Variants in SLC35F4 observed in about 807,000 individuals in gnomAD.
SLC35F4 encodes chromosome 14 open reading frame 36.
In SLC35F4, 24 loss-of-function variants were observed where a neutral mutation model predicts 44.2. The ratio of observed to expected loss-of-function variants is 0.54; its 90% CI spans 0.39 to 0.76. SLC35F4 has a LOEUF of 0.76. SLC35F4 is among the 30% of genes least tolerant of loss of function. The pLI is 0.00. For synonymous variants in SLC35F4, 238 were observed against 223.6 expected (o/e 1.06, Z -0.57); for missense variants, 562 against 586.1 (o/e 0.96, Z 0.42).
At chr14:57,937,630 GAAAAGAAAAGAAAAGAAAAGAAAAA>G (rs1157710267) in intron 1 of SLC35F4, among the ~76,000 whole-genome samples, 46 of 123,924 alleles carry the variant, frequency 3.7e-4, no homozygotes, top group African/African-American at 1.4e-3. Context: ...GAAAAGAAAA[GAAAAGAAAAGAAAAGAAAAGAAAAA>G]AGAAAAGAAA....
chr14:57,932,817 CAAA>C (rs982776960), intron 1 of SLC35F4, among the ~76,000 whole-genome samples: 3 of 149,024 alleles, frequency 2.0e-5, no homozygotes, highest in African/African-American at 7.4e-5. Flanking sequence ...CCACTGCACT[CAAA>C]AAAAAAATTT....
intron 1 of SLC35F4, among the ~76,000 whole-genome samples, chr14:57,783,325 A>G (rs1443810955): frequency 2.0e-5 from 3 of 152,216 alleles, no homozygotes; most frequent in Admixed American, 6.5e-5. Context: ...CCCAGATGCC[A>G]CTAAGAAAAT....
chr14:57,881,858 G>T (rs766817284), intron 1 of SLC35F4, among the ~76,000 whole-genome samples: 8 of 152,066 alleles, frequency 5.3e-5, no homozygotes, highest in African/African-American at 1.2e-4. Context: ...GTCCCTATAG[G>T]TCCTGTTCAT....
chr14:57,825,582 A>G (rs561240627), intron 1 of SLC35F4, among the ~76,000 whole-genome samples: 1 of 152,144 alleles, frequency 6.6e-6, no homozygotes, highest in East Asian at 1.9e-4. Flanking sequence ...GAAAGTAACT[A>G]CTTTGCAGAT....
intron 1 of SLC35F4, among the ~76,000 whole-genome samples, chr14:57,910,268 CATTGT>C (rs1288034382): frequency 2.6e-5 from 4 of 151,980 alleles, no homozygotes; most frequent in African/African-American, 9.7e-5. Flanking sequence ...ATTCTTTTAA[CATTGT>C]ATTTTGCAGA....
chr14:57,679,908 G>T (rs2074835459), intron 1 of SLC35F4, among the ~76,000 whole-genome samples: 1 of 151,996 alleles, frequency 6.6e-6, no homozygotes, highest in South Asian at 2.1e-4. Context: ...AAAAAGCCCA[G>T]GACCAGACAG....
At chr14:57,666,224 G>A (rs2074303864) in intron 1 of SLC35F4, among the ~76,000 whole-genome samples, 1 of 152,222 alleles carries the variant, frequency 6.6e-6, no homozygotes, top group Non-Finnish European at 1.5e-5. Context: ...CACAGAATCT[G>A]TACGCATGTG....
chr14:57,835,601 C>G (rs1884838195), intron 1 of SLC35F4, among the ~76,000 whole-genome samples: 2 of 152,306 alleles, frequency 1.3e-5, no homozygotes, highest in East Asian at 3.9e-4. Context: ...TATAACATTT[C>G]TGTCATGTAA....
intron 1 of SLC35F4, among the ~76,000 whole-genome samples, chr14:57,714,817 C>T (rs972556360): frequency 1.2e-4 from 18 of 152,184 alleles, no homozygotes; most frequent in African/African-American, 3.9e-4. Flanking sequence ...AGAGGACGAT[C>T]TACACCACAG....
At chr14:57,813,926 T>G (rs751959577) in intron 1 of SLC35F4, among the ~76,000 whole-genome samples, 1 of 152,154 alleles carries the variant, frequency 6.6e-6, no homozygotes, top group Non-Finnish European at 1.5e-5. Context: ...GTCCAATAAA[T>G]CGTTGTGGGG....
chr14:57,844,875 T>C (rs1041988492), intron 1 of SLC35F4, among the ~76,000 whole-genome samples: 3 of 152,112 alleles, frequency 2.0e-5, no homozygotes, highest in Admixed American at 6.6e-5. Flanking sequence ...GGACCTTTGT[T>C]ACTAGTAGAG....
intron 1 of SLC35F4, among the ~76,000 whole-genome samples, chr14:57,689,626 C>A (rs1485443914): frequency 2.0e-5 from 3 of 151,570 alleles, no homozygotes; most frequent in African/African-American, 7.3e-5. Context: ...GCTTTAAAGA[C>A]TATCACAGGG....
chr14:57,850,027 A>G (rs1181792156), intron 1 of SLC35F4, among the ~76,000 whole-genome samples: 1 of 152,228 alleles, frequency 6.6e-6, no homozygotes, highest in African/African-American at 2.4e-5. Context: ...CCCATTTGCC[A>G]TAATTTAGAT....
chr14:57,827,418 T>G lies in SLC35F4; in HGVS notation c.103+38305A>C, dbSNP rs373415621. Among the ~76,000 whole-genome samples the G allele has an allele frequency of 1.3e-4, 20 of 152,212 alleles. 1 individual carries two copies. The South Asian group carries it at 3.9e-3, about 30-fold the overall frequency. On this transcript the variant is annotated intron_variant, in intron 1 of 7. Transcript: ENST00000556826. ...CTGGGCTCAATACCTAGGAGATAAG[T>G]TGACAAGTACAGCAAACCACCATGG...
At chr14:57,791,151 A>G (rs2077907260) in intron 1 of SLC35F4, among the ~76,000 whole-genome samples, 1 of 152,216 alleles carries the variant, frequency 6.6e-6, no homozygotes, top group African/African-American at 2.4e-5. Context: ...AATTAAACTA[A>G]AGAGCTTTTG....
chr14:57,665,753 C>G (rs1171196642), intron 1 of SLC35F4, among the ~76,000 whole-genome samples: 1 of 152,140 alleles, frequency 6.6e-6, no homozygotes, highest in African/African-American at 2.4e-5. Flanking sequence ...GATAGACTGG[C>G]TAAAGAACAT....
chr14:57,865,037 C>G (rs1888004140), intron 1 of SLC35F4, among the ~76,000 whole-genome samples: 1 of 150,378 alleles, frequency 6.6e-6, no homozygotes, highest in Admixed American at 6.6e-5. Context: ...GGCGGGTGGC[C>G]CTGTCGCCTC....
chr14:57,566,800 AT>A (rs1251072515), intron 6 of SLC35F4, among the ~76,000 whole-genome samples: 1 of 152,210 alleles, frequency 6.6e-6, no homozygotes, highest in Non-Finnish European at 1.5e-5. Flanking sequence ...CAAAAGGTAT[AT>A]GGACAAATAC....
upstream of SLC35F4, among the ~76,000 whole-genome samples, chr14:57,867,599 T>TAC (rs1595256333): frequency 1.9e-5 from 2 of 105,476 alleles, no homozygotes; most frequent in East Asian, 8.9e-4. Flanking sequence ...GTTATGCCTT[T>TAC]ACACCCCCCC....
Sources: gnomAD v4.1 joint callset for allele counts (sites outside exome capture counted in the v4.1 genomes callset) on GRCh38, gnomAD v4.1.1 for gene constraint, MANE v1.5 for transcripts, NCBI Gene and HGNC (gene_info 2026-07-23, HGNC 2026-07-21) for gene names.